The following HIVEP3 variants were observed in gnomAD, a reference collection of about 807,000 sequenced individuals.
The protein encoded by HIVEP3 is HIVEP zinc finger 3, also known as transcription factor HIVEP3.
In HIVEP3, 49 loss-of-function variants were observed where a neutral mutation model predicts 152.8. The observed-to-expected ratio is 0.32, with a 90% confidence interval of 0.26 to 0.41. The LOEUF (loss-of-function observed/expected upper bound fraction) is 0.41, where lower values mean the gene tolerates loss of function less well. Ranked by LOEUF, HIVEP3 falls within the 10% of genes least tolerant of loss-of-function variation. HIVEP3 has a pLI of 1.00. For missense variants in HIVEP3, 2,790 were observed against 3,103.3 expected (o/e 0.90, Z 2.40); for synonymous variants, 1,269 against 1,289.0 (o/e 0.98, Z 0.33).
chr1:41,819,722 G>T (rs1290224314), intron 1 of HIVEP3, among the ~76,000 whole-genome samples: 2 of 152,126 alleles, frequency 1.3e-5, no homozygotes, highest in Non-Finnish European at 2.9e-5. Flanking sequence ...GATATTGGGG[G>T]TTTTTCTTGT....
intron 2 of HIVEP3, among the ~76,000 whole-genome samples, chr1:41,632,097 A>G (rs911591641): frequency 2.0e-5 from 3 of 152,138 alleles, no homozygotes; most frequent in Non-Finnish European, 4.4e-5. Flanking sequence ...TAAGGTAAAT[A>G]ACAGCATCCA....
intron 3 of HIVEP3, among the ~76,000 whole-genome samples, chr1:41,591,872 A>G (rs1307186861): frequency 6.6e-6 from 1 of 151,992 alleles, no homozygotes; most frequent in Admixed American, 6.6e-5. Context: ...ACTCCCAGAG[A>G]AGAGGCATGA....
At chr1:41,605,582 T>G (rs1037453932) in intron 3 of HIVEP3, among the ~76,000 whole-genome samples, 1 of 151,842 alleles carries the variant, frequency 6.6e-6, no homozygotes, top group African/African-American at 2.4e-5. Context: ...GGGTGGTAGA[T>G]GCCATGATAG....
intron 2 of HIVEP3, among the ~76,000 whole-genome samples, chr1:41,678,757 G>A (rs1470088988): frequency 6.6e-6 from 1 of 152,200 alleles, no homozygotes; most frequent in Non-Finnish European, 1.5e-5. Context: ...GGGCTGCCAA[G>A]GCTCAGCATG....
chr1:41,647,432 C>T (rs760621807), intron 2 of HIVEP3, among the ~76,000 whole-genome samples: 6 of 152,200 alleles, frequency 3.9e-5, no homozygotes, highest in Non-Finnish European at 8.8e-5. Context: ...CATGCTGAAC[C>T]GGGCACAAGC....
intron 2 of HIVEP3, among the ~76,000 whole-genome samples, chr1:41,694,409 C>T (rs186319789): frequency 1.3e-5 from 2 of 152,272 alleles, no homozygotes; most frequent in Admixed American, 1.3e-4. Context: ...ACATTTCCTA[C>T]CACACCTGGC....
intron 3 of HIVEP3, among the ~76,000 whole-genome samples, chr1:41,622,539 G>A (rs1558123406): frequency 6.6e-6 from 1 of 152,140 alleles, no homozygotes; most frequent in African/African-American, 2.4e-5. Flanking sequence ...ACACAACCAC[G>A]CCCATTTTTT....
At chr1:41,618,927 CCCCGCAG>C (rs1214385042) in intron 3 of HIVEP3, among the ~76,000 whole-genome samples, 3 of 152,218 alleles carry the variant, frequency 2.0e-5, no homozygotes, top group Non-Finnish European at 4.4e-5. Context: ...TTCCCATGGC[CCCCGCAG>C]TTGCCACCCT....
intron 1 of HIVEP3, among the ~76,000 whole-genome samples, chr1:41,987,993 A>G (rs1002769806): frequency 6.6e-6 from 1 of 152,286 alleles, no homozygotes; most frequent in Non-Finnish European, 1.5e-5. Flanking sequence ...CCCTCACTCA[A>G]CACATAGGAA....
At position 41,676,800 on chromosome 1, in the gene HIVEP3, G is replaced by A. The variant is rs567058911; in HGVS notation, c.-721+24116C>T. On this transcript the variant is annotated intron_variant, in intron 2 of 8. Coordinates refer to ENST00000372583, the MANE Select transcript of HIVEP3 (RefSeq NM_024503.5). Reference sequence around the variant, plus strand: ...GCAACCTGTTTGGCCAAACACAATCGCGCAGTGACCCAGGAGTAGTCATGT... The same window carrying A: ...GCAACCTGTTTGGCCAAACACAATCACGCAGTGACCCAGGAGTAGTCATGT... Among the ~76,000 whole-genome samples the A allele has an allele frequency of 1.5e-4, 23 of 152,280 alleles. No individual in the cohort carries two copies. The East Asian group carries it at 3.5e-3, about 23-fold the overall frequency.
intron 2 of HIVEP3, among the ~76,000 whole-genome samples, chr1:41,653,086 A>C (rs762573576): frequency 1.1e-4 from 16 of 152,206 alleles, no homozygotes; most frequent in Non-Finnish European, 2.2e-4. Context: ...ACATGCAGAA[A>C]TAAGTTTTAA....
intron 2 of HIVEP3, among the ~76,000 whole-genome samples, chr1:41,700,506 G>A (rs1646345584): frequency 6.6e-6 from 1 of 152,238 alleles, no homozygotes; most frequent in Non-Finnish European, 1.5e-5. Flanking sequence ...CACAGCTGCA[G>A]TGTCAGCCCC....
At chr1:41,620,723 G>A (rs1645035389) in intron 3 of HIVEP3, among the ~76,000 whole-genome samples, 1 of 152,122 alleles carries the variant, frequency 6.6e-6, no homozygotes, top group Admixed American at 6.5e-5. Context: ...CTTCAGGCTT[G>A]CGACACTAGT....
chr1:41,872,768 T>G (rs1167235785), intron 1 of HIVEP3, among the ~76,000 whole-genome samples: 1 of 152,234 alleles, frequency 6.6e-6, no homozygotes, highest in East Asian at 1.9e-4. Flanking sequence ...TCTATTTGGG[T>G]GGACTGCAAG....
At position 41,582,940 on chromosome 1, in the gene HIVEP3, C is replaced by T. The variant is rs192782905; in HGVS notation, c.1858G>A (p.Glu620Lys). 62 of 1,614,108 alleles carry T rather than the reference C, an allele frequency of 3.8e-5. No homozygotes were observed. The Admixed American group carries it at 4.5e-4, about 12-fold the overall frequency. ...AGCTCGCTTTCCTTGGGTTCCACTTCGTCCGAGGGCTTGGAGGCTGTGTCT... is the reference window on the plus strand; with the variant it reads ...AGCTCGCTTTCCTTGGGTTCCACTTTGTCCGAGGGCTTGGAGGCTGTGTCT... ...SKDTASKPSD[E>K]VEPKESELTK... Residue 620 changes from glutamate to lysine, a missense_variant, in exon 4 of 9, where the codon GAA (glutamate) becomes AAA (lysine). Physicochemically the swap from Glu to Lys is moderately conservative, Grantham distance 56. Around this residue, in one of 9 missense-constraint regions of HIVEP3, gnomAD observed 339 missense variants for 327.0 expected, o/e 1.04. Transcript: ENST00000372583. The surrounding 1 kb of genome is among the most constrained non-coding windows in gnomAD (Gnocchi z 4.7).
intron 1 of HIVEP3, among the ~76,000 whole-genome samples, chr1:41,836,862 T>C (rs1643138438): frequency 6.6e-6 from 1 of 152,188 alleles, no homozygotes; most frequent in South Asian, 2.1e-4. Context: ...TTGCCAAAAC[T>C]CAAATCATAC....
chr1:42,004,555 C>T (rs1332467685), intron 1 of HIVEP3, among the ~76,000 whole-genome samples: 1 of 152,064 alleles, frequency 6.6e-6, no homozygotes, highest in Non-Finnish European at 1.5e-5. Flanking sequence ...TCAGAACTGC[C>T]GACCGCTTGA....
intron 1 of HIVEP3, chr1:41,847,764 A>C (rs1034982375): frequency 5.2e-5 from 8 of 152,390 alleles, no homozygotes; most frequent in African/African-American, 1.9e-4. Flanking sequence ...ACCTCCAAAC[A>C]CACAAAGATG....
chr1:42,006,567 C>CA (rs35692836), intron 1 of HIVEP3, among the ~76,000 whole-genome samples: 1,600 of 132,832 alleles, frequency 0.012, 24 homozygotes, highest in African/African-American at 0.036. Context: ...TTTCCAAAGC[C>CA]AAAAAAAAAA....
Sources: allele counts gnomAD v4.1 joint callset (sites outside exome capture counted in the v4.1 genomes callset), GRCh38; gene constraint gnomAD v4.1.1; regional missense constraint gnomAD v4.1.1; non-coding constraint Gnocchi (gnomAD v3.1); transcripts MANE v1.5; gene names NCBI Gene and HGNC (gene_info 2026-07-23, HGNC 2026-07-21).